CADM2: variants seen among roughly 807,000 people sequenced by gnomAD.
The protein encoded by CADM2 is cell adhesion molecule 2.
CADM2 carries 12 observed loss-of-function variants against 49.8 expected under a neutral mutation model. The observed-to-expected ratio is 0.24, with a 90% CI of 0.15 to 0.39. CADM2 has a LOEUF of 0.39. Among genes scored for constraint, CADM2 ranks in the 10% least tolerant of loss-of-function variants. The pLI, the probability that CADM2 is intolerant of heterozygous loss-of-function variation, is 1.00. For missense variants in CADM2, 378 were observed against 492.3 expected, an observed-to-expected ratio of 0.77 and a Z score of 2.20; for synonymous variants, 214 against 175.4, an observed-to-expected ratio of 1.22 and a Z score of -1.74.
At chr3:85,714,063 T>C (rs1399112796) in intron 1 of CADM2, among the ~76,000 whole-genome samples, 1 of 152,160 alleles carries the variant, frequency 6.6e-6, no homozygotes, top group Non-Finnish European at 1.5e-5. Flanking sequence ...GACCATATAC[T>C]TACACATACA....
At chr3:85,937,016 T>C (rs1206338833) in intron 7 of CADM2, among the ~76,000 whole-genome samples, 2 of 151,892 alleles carry the variant, frequency 1.3e-5, no homozygotes, top group African/African-American at 4.8e-5. Flanking sequence ...ATATGCTTTA[T>C]AGAATGCTTG....
At chr3:84,962,106 C>T (rs1406454065) in intron 1 of CADM2, among the ~76,000 whole-genome samples, 2 of 151,570 alleles carry the variant, frequency 1.3e-5, no homozygotes, top group African/African-American at 4.9e-5. Context: ...AGAAAATGCA[C>T]CACTGCAACC....
At chr3:85,169,610 A>C (rs2040565579) in intron 1 of CADM2, among the ~76,000 whole-genome samples, 1 of 152,002 alleles carries the variant, frequency 6.6e-6, no homozygotes, top group African/African-American at 2.4e-5. Context: ...TATCTCTACT[A>C]AAAGTACAAA....
At chr3:85,481,809 CT>C (rs2039224573) in intron 1 of CADM2, among the ~76,000 whole-genome samples, 3 of 149,290 alleles carry the variant, frequency 2.0e-5, no homozygotes, top group Admixed American at 2.0e-4. Context: ...GAACTTCATT[CT>C]TGGTTTTTTT....
chr3:85,117,907 TA>T (rs1248321820), intron 1 of CADM2, among the ~76,000 whole-genome samples: 3 of 152,144 alleles, frequency 2.0e-5, no homozygotes, highest in African/African-American at 7.2e-5. Context: ...TCGGCCCTAT[TA>T]TAATGAAGCT....
intron 1 of CADM2, among the ~76,000 whole-genome samples, chr3:85,526,163 C>T (rs990917632): frequency 1.3e-5 from 2 of 151,998 alleles, no homozygotes; most frequent in Non-Finnish European, 2.9e-5. Flanking sequence ...AATTTTATAC[C>T]TCATCCCATT....
chr3:85,058,420 G>GT (rs2036175613), intron 1 of CADM2, among the ~76,000 whole-genome samples: 1 of 151,954 alleles, frequency 6.6e-6, no homozygotes, highest in Non-Finnish European at 1.5e-5. Flanking sequence ...TGTTGTTGTT[G>GT]TTGTTAAAAT....
At chr3:85,693,318 C>T (rs926853477) in intron 1 of CADM2, among the ~76,000 whole-genome samples, 2 of 151,894 alleles carry the variant, frequency 1.3e-5, no homozygotes, top group African/African-American at 2.4e-5. Flanking sequence ...TGGTGGCTCA[C>T]GCCTGTAATC....
At chr3:85,080,468 A>G (rs1329917438) in intron 1 of CADM2, among the ~76,000 whole-genome samples, 2 of 152,088 alleles carry the variant, frequency 1.3e-5, no homozygotes, top group African/African-American at 4.8e-5. Context: ...CAATTGTCAT[A>G]GACATCAGAT....
intron 1 of CADM2, among the ~76,000 whole-genome samples, chr3:85,673,826 A>T (rs900634581): frequency 1.3e-5 from 2 of 152,154 alleles, no homozygotes; most frequent in African/African-American, 4.8e-5. Flanking sequence ...GAGCATGAGA[A>T]TTTGTGAGAT....
At chr3:85,011,899 A>G (rs2034012646) in intron 1 of CADM2, among the ~76,000 whole-genome samples, 1 of 152,282 alleles carries the variant, frequency 6.6e-6, no homozygotes, top group Admixed American at 6.5e-5. Context: ...AATAAAACTT[A>G]AGATATGTAT....
intron 8 of CADM2, among the ~76,000 whole-genome samples, chr3:86,034,196 G>C (rs1227844379): frequency 6.6e-6 from 1 of 151,814 alleles, no homozygotes; most frequent in Admixed American, 6.6e-5. Flanking sequence ...ACTACTTCCT[G>C]GTGAATTTCA....
intron 1 of CADM2, among the ~76,000 whole-genome samples, chr3:85,049,121 A>G (rs1002257120): frequency 1.3e-5 from 2 of 152,122 alleles, no homozygotes; most frequent in Admixed American, 1.3e-4. Context: ...GATGAGGATA[A>G]TGGCTAATTG....
At chr3:85,449,052 A>AAAAAAAAAAAAAAAT (rs71617939) in intron 1 of CADM2, among the ~76,000 whole-genome samples, 3 of 107,400 alleles carry the variant, frequency 2.8e-5, no homozygotes. Flanking sequence ...TCCAACTCAA[A>AAAAAAAAAAAAAAAT]AATAATAATA....
At chr3:85,145,321 A>G (rs1356895270) in intron 1 of CADM2, among the ~76,000 whole-genome samples, 1 of 152,194 alleles carries the variant, frequency 6.6e-6, no homozygotes, top group African/African-American at 2.4e-5. Context: ...AATGCCATGC[A>G]CAGATTAAGC....
intron 1 of CADM2, among the ~76,000 whole-genome samples, chr3:85,143,085 T>C (rs17022526): frequency 0.08 from 12,146 of 152,190 alleles, 1,017 homozygotes; most frequent in Admixed American, 0.25. Context: ...ATCAAAAGTA[T>C]ACAAACAGGC....
chr3:85,995,559 A>G (rs1013658278), intron 8 of CADM2, among the ~76,000 whole-genome samples: 1 of 152,196 alleles, frequency 6.6e-6, no homozygotes, highest in Non-Finnish European at 1.5e-5. Context: ...TACTTTCTGC[A>G]TCGTATTCTA....
intron 3 of CADM2, among the ~76,000 whole-genome samples, chr3:85,854,122 A>G (rs2075213500): frequency 2.0e-5 from 3 of 152,168 alleles, no homozygotes; most frequent in Non-Finnish European, 4.4e-5. Context: ...ACTAAAAACC[A>G]CTGTAGAAAG....
At chr3:85,866,832 T>C (rs2075740855) in intron 3 of CADM2, among the ~76,000 whole-genome samples, 1 of 152,088 alleles carries the variant, frequency 6.6e-6, no homozygotes, top group African/African-American at 2.4e-5. Flanking sequence ...TACATATACA[T>C]ACACACATAC....
Sources: gnomAD v4.1 joint callset for allele counts (sites outside exome capture counted in the v4.1 genomes callset) on GRCh38, gnomAD v4.1.1 for gene constraint, MANE v1.5 for transcripts, NCBI Gene and HGNC (gene_info 2026-07-23, HGNC 2026-07-21) for gene names.